The following MYT1L variants were observed in gnomAD, a reference collection of about 807,000 sequenced individuals.
The protein encoded by MYT1L is myelin transcription factor 1-like protein.
In MYT1L, 12 loss-of-function variants were observed where a neutral mutation model predicts 126.7. That is an observed-to-expected ratio of 0.09 (90% CI 0.06 to 0.15). The LOEUF (loss-of-function observed/expected upper bound fraction) is 0.15. Ranked by LOEUF, MYT1L falls within the 10% of genes least tolerant of loss-of-function variation. The pLI is 1.00. For missense variants in MYT1L, 979 were observed against 1,585.2 expected, an observed-to-expected ratio of 0.62 and a Z score of 6.49; for synonymous variants, 541 against 604.2, an observed-to-expected ratio of 0.90 and a Z score of 1.53.
chr2:2,188,093 AAAAT>A (rs373734157), intron 2 of MYT1L, among the ~76,000 whole-genome samples: 217 of 152,316 alleles, frequency 1.4e-3, no homozygotes, highest in African/African-American at 4.9e-3. Context: ...CTCTACAGTA[AAAAT>A]AAATGGTTCA....
intron 2 of MYT1L, among the ~76,000 whole-genome samples, chr2:2,183,809 A>G (rs1480677907): frequency 6.9e-6 from 1 of 145,420 alleles, no homozygotes; most frequent in East Asian, 2.1e-4. Flanking sequence ...AAAAGGAAGG[A>G]AGGAGAGAGA....
At chr2:2,294,738 C>T (rs1272971270) in intron 1 of MYT1L, among the ~76,000 whole-genome samples, 7 of 152,136 alleles carry the variant, frequency 4.6e-5, no homozygotes, top group African/African-American at 1.2e-4. Context: ...AAAGTGTCAG[C>T]GGATGCTCAT....
intron 3 of MYT1L, among the ~76,000 whole-genome samples, chr2:2,109,325 G>T (rs963530215): frequency 6.6e-6 from 1 of 152,170 alleles, no homozygotes; most frequent in Non-Finnish European, 1.5e-5. Context: ...CCTGACAGCG[G>T]ATCCAGCCCC....
intron 8 of MYT1L, among the ~76,000 whole-genome samples, chr2:1,968,614 G>A (rs1017122850): frequency 2.0e-5 from 3 of 152,190 alleles, no homozygotes; most frequent in Non-Finnish European, 4.4e-5. Flanking sequence ...CAGAGGGTGC[G>A]TTTATCTTAA....
At chr2:2,068,769 G>GTTTTTTTTTTTTTTTT (rs55838351) in intron 3 of MYT1L, among the ~76,000 whole-genome samples, 3 of 26,192 alleles carry the variant, frequency 1.1e-4, no homozygotes, top group Non-Finnish European at 2.2e-4. Context: ...TGTTCTTCTT[G>GTTTTTTTTTTTTTTTT]TTTTTTTTTT....
chr2:2,132,176 G>A (rs1379097307), intron 3 of MYT1L, among the ~76,000 whole-genome samples: 1 of 151,802 alleles, frequency 6.6e-6, no homozygotes, highest in Non-Finnish European at 1.5e-5. Context: ...CAAAGTGCTG[G>A]GATTACAGGC....
chr2:2,090,751 T>C (rs1316919503), intron 3 of MYT1L, among the ~76,000 whole-genome samples: 1 of 152,228 alleles, frequency 6.6e-6, no homozygotes, highest in Non-Finnish European at 1.5e-5. Context: ...TTGGAGTCCA[T>C]CCTCTCAAAC....
intron 3 of MYT1L, among the ~76,000 whole-genome samples, chr2:2,123,638 T>C (rs1285397326): frequency 2.6e-5 from 4 of 152,216 alleles, no homozygotes; most frequent in Non-Finnish European, 4.4e-5. Context: ...GACTGTAAGT[T>C]TCCTGAGGCC....
chr2:1,804,762 CG>C (rs1426940755), intron 22 of MYT1L, among the ~76,000 whole-genome samples: 2 of 152,094 alleles, frequency 1.3e-5, no homozygotes, highest in Non-Finnish European at 2.9e-5. Context: ...TGAATAGAAA[CG>C]TGAGTTCCCA....
chr2:2,158,157 C>T (rs1216708392), intron 3 of MYT1L, among the ~76,000 whole-genome samples: 1 of 135,220 alleles, frequency 7.4e-6, no homozygotes, highest in African/African-American at 2.8e-5. Flanking sequence ...TGTGCAGACA[C>T]ACCGAGACCA....
At chr2:1,930,701 A>G (rs184265047) in intron 9 of MYT1L, among the ~76,000 whole-genome samples, 1 of 152,324 alleles carries the variant, frequency 6.6e-6, no homozygotes, top group Non-Finnish European at 1.5e-5. Flanking sequence ...TGCTCTTAAG[A>G]GTTGTTTAAA....
chr2:2,059,592 C>T lies in MYT1L; in HGVS notation c.-303-5469G>A, dbSNP rs568283683. Among the ~76,000 whole-genome samples, 15 of 152,280 alleles carry T rather than the reference C, an allele frequency of 9.9e-5. No homozygotes were observed. Among genetic ancestry groups the T allele is most frequent in the Non-Finnish European group, 1.8e-4 (12 of 68,014 alleles). ...GGCCTTGCACCAAAGCACAAACGGA[C>T]GCAGGACTGCAGTTCGGCAGGGGGC... On this transcript the variant is annotated intron_variant, in intron 3 of 24. Transcript: ENST00000647738. The surrounding 1 kb of genome is among the most constrained non-coding windows in gnomAD (Gnocchi z 4.7).
chr2:2,088,666 T>TA (rs892769002), intron 3 of MYT1L, among the ~76,000 whole-genome samples: 5 of 152,030 alleles, frequency 3.3e-5, no homozygotes, highest in Admixed American at 6.5e-5. Flanking sequence ...AGTACTAGTA[T>TA]AAAAAATATG....
At chr2:2,217,209 T>A (rs2093701540) in intron 2 of MYT1L, among the ~76,000 whole-genome samples, 1 of 148,012 alleles carries the variant, frequency 6.8e-6, no homozygotes, top group Non-Finnish European at 1.5e-5. Context: ...TACCACAAGA[T>A]AAGAAAGTCA....
chr2:2,262,917 T>TATATATAACCTGTG (rs2095015055), intron 2 of MYT1L, among the ~76,000 whole-genome samples: 1 of 90,762 alleles, frequency 1.1e-5, no homozygotes, highest in African/African-American at 4.7e-5. Context: ...GAGGCACAAA[T>TATATATAACCTGTG]ATATATATAT....
At chr2:1,924,731 T>G (rs867358418) in intron 9 of MYT1L, among the ~76,000 whole-genome samples, 5 of 152,232 alleles carry the variant, frequency 3.3e-5, no homozygotes, top group Non-Finnish European at 5.9e-5. Flanking sequence ...AAACAAATAT[T>G]GCCCTTCTTC....
At chr2:2,127,776 G>A (rs909720051) in intron 3 of MYT1L, among the ~76,000 whole-genome samples, 1 of 152,140 alleles carries the variant, frequency 6.6e-6, no homozygotes, top group Non-Finnish European at 1.5e-5. Context: ...TGACTCTGAT[G>A]GGAAGGCTCC....
chr2:2,101,235 C>T (rs889925901), intron 3 of MYT1L, among the ~76,000 whole-genome samples: 2 of 151,720 alleles, frequency 1.3e-5, no homozygotes, highest in African/African-American at 2.4e-5. Flanking sequence ...ATACTTTTTT[C>T]TCACCAATTG....
At chr2:2,182,950 T>C (rs2091696991) in intron 2 of MYT1L, among the ~76,000 whole-genome samples, 1 of 152,126 alleles carries the variant, frequency 6.6e-6, no homozygotes, top group Non-Finnish European at 1.5e-5. Flanking sequence ...GCAACAGGGA[T>C]GCCCACAGTG....
Sources: gnomAD v4.1 joint callset for allele counts (sites outside exome capture counted in the v4.1 genomes callset) on GRCh38, gnomAD v4.1.1 for gene constraint, Gnocchi (gnomAD v3.1) non-coding constraint, MANE v1.5 for transcripts, NCBI Gene and HGNC (gene_info 2026-07-23, HGNC 2026-07-21) for gene names.